STAT3: variants seen among roughly 807,000 people sequenced by gnomAD.
The protein encoded by STAT3 is DNA-binding protein APRF.
Under a neutral mutation model 114.3 loss-of-function variants are expected in STAT3, and 7 were observed. That is an observed-to-expected ratio of 0.06 (90% CI 0.03 to 0.11). STAT3 has a LOEUF of 0.11. Ranked by LOEUF, STAT3 falls within the 10% of genes least tolerant of loss-of-function variation. The probability of loss-of-function intolerance (pLI) is 1.00; values close to 1 mark genes in which losing one functional copy is unlikely to be tolerated. For synonymous variants in STAT3, 331 were observed against 354.5 expected, an observed-to-expected ratio of 0.93 and a Z score of 0.74; for missense variants, 364 against 960.9, an observed-to-expected ratio of 0.38 and a Z score of 8.21.
At chr17:42,339,627 A>G (rs1377875754) in intron 4 of STAT3, among the ~76,000 whole-genome samples, 1 of 152,172 alleles carries the variant, frequency 6.6e-6, no homozygotes, top group Non-Finnish European at 1.5e-5. Flanking sequence ...AAGAGACCAC[A>G]TGTTCAGCTA....
chr17:42,359,886 C>T (rs1270953186), intron 1 of STAT3, among the ~76,000 whole-genome samples: 1 of 151,736 alleles, frequency 6.6e-6, no homozygotes, highest in African/African-American at 2.4e-5. Flanking sequence ...CGGTGAAACC[C>T]CGTCTCTACT....
intron 23 of STAT3, 139 bp downstream of exon 23, chr17:42,316,650 T>C: frequency 6.5e-7 from 1 of 1,541,462 alleles, no homozygotes; most frequent in Non-Finnish European, 8.7e-7. Flanking sequence ...GTGGCATTCA[T>C]ACCATCTCTT....
At chr17:42,367,640 T>C (rs1309707687) in intron 1 of STAT3, among the ~76,000 whole-genome samples, 1 of 152,130 alleles carries the variant, frequency 6.6e-6, no homozygotes, top group Non-Finnish European at 1.5e-5. Context: ...TTGACACCCC[T>C]CTATCTAAAA....
rs1186149289 is a variant in STAT3 at position 42,337,361 on chromosome 17, T to A, written c.797+74A>T. The A allele has an allele frequency of 6.3e-7, 1 of 1,587,984 alleles. No individual in the cohort carries two copies. Among genetic ancestry groups the A allele is most frequent in the African/African-American group, 1.3e-5 (1 of 74,120 alleles). The stretch of plus-strand genomic sequence containing the variant: ...CACGTTGGAGATATAGTACCAATTC[T>A]GTGGGCCTGCAGTTAAGATCAGAAT... On this transcript the variant is annotated intron_variant, in intron 8 of 23. Transcript: ENST00000264657. The surrounding 1 kb of genome is among the most constrained non-coding windows in gnomAD (Gnocchi z 4.0).
chr17:42,374,440 T>C (rs1410993084), intron 1 of STAT3, among the ~76,000 whole-genome samples: 1 of 151,936 alleles, frequency 6.6e-6, no homozygotes, highest in African/African-American at 2.4e-5. Context: ...AAACCCCGTC[T>C]CTACTAAAAA....
At position 42,366,418 on chromosome 17, in the gene STAT3, C is replaced by A. The variant is rs538710210; in HGVS notation, c.-23-17879G>T. Among the ~76,000 whole-genome samples the A allele has an allele frequency of 3.3e-4, 51 of 152,292 alleles. No homozygotes were observed. In the South Asian group the frequency reaches 5.6e-3, roughly 17 times the overall value. ...GGGCACAATGGCTCAGGCCTATAAT[C>A]CCAGCACTTTAGGAGGCTGAGGCGG... On this transcript the variant is annotated intron_variant, in intron 1 of 23. Coordinates refer to ENST00000264657, the MANE Select transcript of STAT3 (RefSeq NM_139276.3).
chr17:42,359,550 A>G (rs1385807813), intron 1 of STAT3, among the ~76,000 whole-genome samples: 2 of 152,224 alleles, frequency 1.3e-5, no homozygotes, highest in Non-Finnish European at 2.9e-5. Context: ...AGTGATATTC[A>G]AAACAAAAGA....
chr17:42,331,728 T>C (rs1211700643), intron 10 of STAT3, among the ~76,000 whole-genome samples, 197 bp from the exon 11 acceptor site: 1 of 151,982 alleles, frequency 6.6e-6, no homozygotes, highest in Non-Finnish European at 1.5e-5. Flanking sequence ...AGGAGTTCCA[T>C]AACAGTCTGG....
intron 1 of STAT3, among the ~76,000 whole-genome samples, chr17:42,378,435 CAG>C (rs1476225069): frequency 6.6e-6 from 1 of 152,088 alleles, no homozygotes; most frequent in Admixed American, 6.6e-5. Flanking sequence ...TCAGTAGAAA[CAG>C]GATTTCACCA....
In STAT3 at chr17:42,323,525, T is replaced by A. The variant is rs1482307014; in HGVS notation, c.1653+48A>T. ...AAGCCAGAGCCCTCAACGACAGCCG[T>A]GCAGGTGAGCATTCCCATTCCCACG... On this transcript the variant is annotated intron_variant, in intron 18 of 23. Transcript: ENST00000264657. 16 of 1,605,694 alleles carry A rather than the reference T, an allele frequency of 1.0e-5. No individual in the cohort carries two copies. The Admixed American group carries it at 1.2e-4, about 12-fold the overall frequency.
rs1321229332 is a variant in STAT3, at chr17:42,378,044, G to GGC, written c.-24+10233_-24+10234dup. 7.9e-5 allele frequency among the ~76,000 whole-genome samples: 11 copies of GGC among 139,970 alleles called. No individual in the cohort carries two copies. The East Asian group carries it at 1.9e-3, about 24-fold the overall frequency. 91.8% of individuals were successfully genotyped at this position (139,970 alleles called of 152,430 possible). ...TCCATAGCCCAGGCTGGAGTGCAAT[G>GGC]GCGCGATCTCGGCTCACTGCAACCT... On this transcript the variant is annotated intron_variant, in intron 1 of 23. Transcript: ENST00000264657.
At chr17:42,357,517 C>A (rs1429979844) in intron 1 of STAT3, among the ~76,000 whole-genome samples, 3 of 151,914 alleles carry the variant, frequency 2.0e-5, no homozygotes, top group Admixed American at 6.6e-5. Context: ...ACTAAAAATA[C>A]AAAAATTAGC....
chr17:42,317,591 T>C (rs1378697483), intron 21 of STAT3: 1 of 343,608 alleles, frequency 2.9e-6, no homozygotes, highest in East Asian at 6.1e-5. Flanking sequence ...GGCCTGGTCA[T>C]ATCTCTTAGA....
At chr17:42,315,854 A>G in intron 23 of STAT3, 54 bp from the exon 24 acceptor site, 1 of 1,613,322 alleles carries the variant, frequency 6.2e-7, no homozygotes, top group Non-Finnish European at 8.5e-7. Flanking sequence ...TGCAACTGGC[A>G]GGCCACGCCC....
chr17:42,358,235 G>A (rs1029276978), intron 1 of STAT3, among the ~76,000 whole-genome samples: 12 of 152,220 alleles, frequency 7.9e-5, no homozygotes, highest in African/African-American at 2.2e-4. Context: ...GGGCAACACC[G>A]TGAGACCTTG....
At chr17:42,349,269 T>A (rs903528732) in intron 1 of STAT3, among the ~76,000 whole-genome samples, 3 of 152,244 alleles carry the variant, frequency 2.0e-5, no homozygotes, top group Non-Finnish European at 2.9e-5. Flanking sequence ...ACTCCCAGAT[T>A]TCTATTCCCT....
At chr17:42,326,957 C>A (rs191588585) in intron 14 of STAT3, among the ~76,000 whole-genome samples, 5 of 152,282 alleles carry the variant, frequency 3.3e-5, no homozygotes, top group African/African-American at 9.6e-5. Context: ...CAGGTGGTCA[C>A]AAACAAACTG....
chr17:42,357,365 G>A (rs2083277721), intron 1 of STAT3, among the ~76,000 whole-genome samples: 1 of 152,126 alleles, frequency 6.6e-6, no homozygotes. Flanking sequence ...ACAGCATAAT[G>A]GATGACAGAG....
In STAT3 at chr17:42,333,971, G is replaced by A. The variant is rs1430131107; in HGVS notation, c.876C>T (p.Ser292=). 2 of 1,614,162 alleles carry A rather than the reference G, an allele frequency of 1.2e-6. No individual in the cohort carries two copies. The highest frequency in any genetic ancestry group is 1.7e-6 in the Non-Finnish European group (2 of 1,180,026). The change falls in exon 9 of 24, where the codon TCC becomes TCT. Residue 292 remains serine, a synonymous_variant. Coordinates refer to ENST00000264657, the MANE Select transcript of STAT3 (RefSeq NM_139276.3). The surrounding 1 kb of genome is among the most constrained non-coding windows in gnomAD (Gnocchi z 5.2). The part of the protein sequence containing the change: ...KKLEELQQKV[S]YKGDPIVQHR... The stretch of plus-strand genomic sequence containing the variant: ...GCTGTACAATGGGGTCCCCTTTGTA[G>A]GAAACTTTTTGCTGCAACTCCTCCA...
Sources: gnomAD v4.1 joint callset for allele counts (sites outside exome capture counted in the v4.1 genomes callset) on GRCh38, gnomAD v4.1.1 for gene constraint, Gnocchi (gnomAD v3.1) non-coding constraint, MANE v1.5 for transcripts, NCBI Gene and HGNC (gene_info 2026-07-23, HGNC 2026-07-21) for gene names.